CLTC: variants seen among roughly 807,000 people sequenced by gnomAD.
CLTC encodes clathrin heavy chain.
Under a neutral mutation model 195.8 loss-of-function variants are expected in CLTC, and 16 were observed. That is an observed-to-expected ratio of 0.08 (90% confidence interval 0.06 to 0.12). CLTC has a LOEUF of 0.12. Ranked by LOEUF, CLTC falls within the 10% of genes least tolerant of loss-of-function variation. The pLI, the probability that CLTC is intolerant of heterozygous loss-of-function variation, is 1.00. For missense variants in CLTC, 796 were observed against 2,027.0 expected, an observed-to-expected ratio of 0.39 and a Z score of 11.66; for synonymous variants, 667 against 689.4, an observed-to-expected ratio of 0.97 and a Z score of 0.51.
intron 8 of CLTC, among the ~76,000 whole-genome samples, chr17:59,662,703 G>T (rs1311581339): frequency 6.6e-6 from 1 of 152,188 alleles, no homozygotes; most frequent in South Asian, 2.1e-4. Context: ...TACTACATCA[G>T]ATTTGGGATA....
Position 59,681,464 on chromosome 17 carries a change from ACTT to A in CLTC, c.3237_3239del (p.Ser1080del). 1 of 1,614,018 alleles carries A rather than the reference ACTT, an allele frequency of 6.2e-7. No individual in the cohort carries two copies. The highest frequency in any genetic ancestry group is 8.5e-7 in the Non-Finnish European group (1 of 1,179,954). On this transcript the variant is annotated inframe_deletion, in exon 20 of 32. Transcript: ENST00000269122. This position sits in a 1 kb window ranked among gnomAD's most constrained non-coding sequence, Gnocchi z 5.0. ...CATTTTCCGGAAATTTGATGTCAAT[ACTT>A]CAGCAGTTCAGGTAAATCTTCAGAT...
chr17:59,632,642 C>CAAAAAAAAAAAA (rs2031758179), intron 1 of CLTC, among the ~76,000 whole-genome samples: 1 of 151,808 alleles, frequency 6.6e-6, no homozygotes, highest in Non-Finnish European at 1.5e-5. Context: ...GACTCTGTCT[C>CAAAAAAAAAAAA]AAAAACAAAC....
chr17:59,644,083 G>A (rs1426214291), intron 1 of CLTC, among the ~76,000 whole-genome samples, 193 bp from the exon 2 acceptor site: 2 of 152,114 alleles, frequency 1.3e-5, no homozygotes, highest in African/African-American at 2.4e-5. Context: ...TGAAACAGTT[G>A]AATGGCATGT....
chr17:59,657,157 G>GA (rs981650854), intron 6 of CLTC, among the ~76,000 whole-genome samples: 9 of 152,028 alleles, frequency 5.9e-5, no homozygotes, highest in South Asian at 2.1e-4. Context: ...GTTAATTTTT[G>GA]AAAAATGTTA....
intron 6 of CLTC, among the ~76,000 whole-genome samples, chr17:59,657,852 T>G (rs1019815594): frequency 4.6e-5 from 7 of 150,832 alleles, no homozygotes; most frequent in Admixed American, 2.0e-4. Flanking sequence ...AATCATGAAG[T>G]TGTGAAGCCA....
rs2032249856 is a variant in CLTC at position 59,648,485 on chromosome 17, C to G, written c.681+84C>G. 1 of 1,237,072 alleles carries G rather than the reference C, an allele frequency of 8.1e-7. No homozygotes were observed. The highest frequency in any genetic ancestry group is 1.5e-5 in the African/African-American group (1 of 66,948). 76.6% of individuals were successfully genotyped at this position (1,237,072 alleles called of 1,614,324 possible). ...AATTAGTCATCTAATTTCAAAATAG[C>G]CTTCTCCCTTCCTAAGTAATTTTAG... On this transcript the variant is annotated intron_variant, in intron 4 of 31. Coordinates refer to ENST00000269122, the MANE Select transcript of CLTC (RefSeq NM_004859.4). This position sits in a 1 kb window ranked among gnomAD's most constrained non-coding sequence, Gnocchi z 4.5.
chr17:59,619,933 T>C lies in CLTC; in HGVS notation c.-199T>C, dbSNP rs1408114499. On this transcript the variant is annotated 5_prime_UTR_variant, in exon 1 of 32. Transcript: ENST00000269122. Reference sequence around the variant, plus strand: ...GTCTGCGCTGCGCCCGGTTCCGCCATTGCGGCTCTCCTGGCCCCTGGAGCC... The same window carrying C: ...GTCTGCGCTGCGCCCGGTTCCGCCACTGCGGCTCTCCTGGCCCCTGGAGCC... 3.7e-6 allele frequency: 2 copies of C among 546,106 alleles called. No homozygotes were observed. The highest frequency in any genetic ancestry group is 6.6e-6 in the Non-Finnish European group (2 of 304,936). The allele number at this position is 546,106 out of a possible 1,614,324, so 33.8% of individuals were successfully genotyped here.
intron 2 of CLTC, 61 bp downstream of exon 2, chr17:59,644,544 T>TG: frequency 7.5e-7 from 1 of 1,337,380 alleles, no homozygotes; most frequent in Non-Finnish European, 1.0e-6. Context: ...TTTTTGTTTT[T>TG]TTTTTGTTTG....
chr17:59,690,576 C>T, intron 30 of CLTC, 60 bp from the exon 31 acceptor site: 1 of 1,199,434 alleles, frequency 8.3e-7, no homozygotes, highest in Non-Finnish European at 1.2e-6. Context: ...CACTTTCTGC[C>T]ATAAACCTAG....
intron 1 of CLTC, among the ~76,000 whole-genome samples, chr17:59,622,651 G>T (rs144135349): frequency 6.6e-6 from 1 of 152,006 alleles, no homozygotes; most frequent in Non-Finnish European, 1.5e-5. Flanking sequence ...TGGGATAATA[G>T]GTGTGAACCA....
chr17:59,652,646 G>A (rs1346355053), intron 5 of CLTC, among the ~76,000 whole-genome samples: 2 of 152,152 alleles, frequency 1.3e-5, no homozygotes, highest in African/African-American at 2.4e-5. Context: ...GGTCTCAACA[G>A]TAGGCATAAA....
chr17:59,641,999 G>GTT lies in CLTC; in HGVS notation c.43-2254_43-2253dup, dbSNP rs398031234. Among the ~76,000 whole-genome samples, 583 of 128,618 alleles carry GTT rather than the reference G, an allele frequency of 4.5e-3. 11 individuals are homozygous for GTT. Among genetic ancestry groups the GTT allele is most frequent in the African/African-American group, 0.016 (542 of 34,542 alleles). The allele number at this position is 128,618 out of a possible 152,430, so 84.4% of individuals were successfully genotyped here. On this transcript the variant is annotated intron_variant, in intron 1 of 31. Coordinates refer to ENST00000269122, the MANE Select transcript of CLTC (RefSeq NM_004859.4). ...CAAGGTGCCAGGCCAAATCTTTGTT[G>GTT]TTTTTTTTTTTTTTTTTTTTTTTTA...
chr17:59,690,906 T>C, intron 31 of CLTC, 195 bp downstream of exon 31: 2 of 424,320 alleles, frequency 4.7e-6, no homozygotes, highest in Non-Finnish European at 8.3e-6. Context: ...TAATCTTAAA[T>C]ACAAGAAAAC....
At chr17:59,669,158 G>GA (rs909100720) in intron 14 of CLTC, among the ~76,000 whole-genome samples, 24 of 147,306 alleles carry the variant, frequency 1.6e-4, no homozygotes, top group South Asian at 1.1e-3. Context: ...TTTAAAAGAA[G>GA]AAAAAAAAAA....
chr17:59,680,929 G>C lies in CLTC; in HGVS notation c.2937G>C (p.Leu979Phe). The change falls in exon 19 of 32, where the codon TTG (leucine) becomes TTC (phenylalanine). Residue 979 changes from leucine to phenylalanine, a missense_variant. Transcript: ENST00000269122. Reference sequence around the variant, plus strand: ...CTCTGTAGGTTGTACAAACAGCTTTGTCTGAGACTCAGGACCCTGAAGAAG... The same window carrying C: ...CTCTGTAGGTTGTACAAACAGCTTTCTCTGAGACTCAGGACCCTGAAGAAG... ...PLIDQVVQTA[L>F]SETQDPEEVS... is the part of the protein sequence containing the mutation. The C allele has an allele frequency of 6.2e-7, 1 of 1,613,402 alleles. No individual in the cohort carries two copies. Among genetic ancestry groups the C allele is most frequent in the South Asian group, 1.1e-5 (1 of 90,978 alleles).
chr17:59,657,914 A>AGG (rs2032512394), intron 6 of CLTC, among the ~76,000 whole-genome samples: 1 of 151,498 alleles, frequency 6.6e-6, no homozygotes, highest in Non-Finnish European at 1.5e-5. Context: ...AAAAAAAGAC[A>AGG]GGGGCTGGGC....
chr17:59,685,213 A>G lies in CLTC; in HGVS notation c.4592A>G (p.Asp1531Gly). 6.4e-7 allele frequency: 1 copy of G among 1,574,132 alleles called. No homozygotes were observed. Among genetic ancestry groups the G allele is most frequent in the Non-Finnish European group, 8.7e-7 (1 of 1,154,060 alleles). The change falls in exon 29 of 32, where the codon GAC (aspartate) becomes GGC (glycine). Residue 1531 changes from aspartate to glycine, a missense_variant. Asp to Gly is a moderately conservative substitution (Grantham distance 94, BLOSUM62 -1). Coordinates refer to ENST00000269122, the MANE Select transcript of CLTC (RefSeq NM_004859.4). This position sits in a 1 kb window ranked among gnomAD's most constrained non-coding sequence, Gnocchi z 5.0. ...WKQSVELCKK[D>G]SLYKDAMQYA... is the part of the protein sequence containing the mutation. ...CAGAGTGTAGAGCTGTGCAAGAAAG[A>G]CAGCCTTTACAAGGTTGATAAAGTT...
Position 59,675,445 on chromosome 17 carries a change from AGGT to A in CLTC, c.2561+606_2561+608del, listed in dbSNP as rs374784347. Among the ~76,000 whole-genome samples, 637 of 152,252 alleles carry A rather than the reference AGGT, an allele frequency of 4.2e-3. 7 individuals carry two copies. Among genetic ancestry groups the A allele is most frequent in the African/African-American group, 0.015 (612 of 41,544 alleles). On this transcript the variant is annotated intron_variant, in intron 16 of 31. Transcript: ENST00000269122. ...AGTACTGATGTAAATGAGTTTGGTGAGGTGGTATGCTAGTGGGAAGTTCTGCTG... is the reference window on the plus strand; with the variant it reads ...AGTACTGATGTAAATGAGTTTGGTGAGGTATGCTAGTGGGAAGTTCTGCTG...
At position 59,642,311 on chromosome 17, in the gene CLTC, A is replaced by G. The variant is rs375550565; in HGVS notation, c.43-1965A>G. On this transcript the variant is annotated intron_variant, in intron 1 of 31. Coordinates refer to ENST00000269122, the MANE Select transcript of CLTC (RefSeq NM_004859.4). ...TTAATTTCACTATTTGACTAACACTATTTTTACTCCGACTTCCTCAAACAC... is the reference window on the plus strand; with the variant it reads ...TTAATTTCACTATTTGACTAACACTGTTTTTACTCCGACTTCCTCAAACAC... 9.9e-5 allele frequency among the ~76,000 whole-genome samples: 15 copies of G among 152,198 alleles called. No homozygotes were observed. In the South Asian group the frequency reaches 3.1e-3, roughly 32 times the overall value.
Sources: gnomAD v4.1 joint callset for allele counts (sites outside exome capture counted in the v4.1 genomes callset) on GRCh38, gnomAD v4.1.1 for gene constraint, Gnocchi (gnomAD v3.1) non-coding constraint, MANE v1.5 for transcripts, NCBI Gene and HGNC (gene_info 2026-07-23, HGNC 2026-07-21) for gene names.